The following URGCP variants were observed in gnomAD, a reference collection of about 807,000 sequenced individuals.
The protein encoded by URGCP is upregulator of cell proliferation.
A neutral mutation model predicts 24.6 loss-of-function variants in URGCP; 13 were observed. That is an observed-to-expected ratio of 0.53 (90% CI 0.34 to 0.84). The LOEUF (loss-of-function observed/expected upper bound fraction) is 0.84, where lower values mean the gene tolerates loss of function less well. Among genes scored for constraint, URGCP ranks in the 40% least tolerant of loss-of-function variants. The pLI is 0.01. For missense variants in URGCP, 899 were observed against 1,194.3 expected, an observed-to-expected ratio of 0.75 and a Z score of 3.64; for synonymous variants, 444 against 487.2, an observed-to-expected ratio of 0.91 and a Z score of 1.17.
At chr7:43,921,359 T>A (rs868355922) in intron 1 of URGCP, among the ~76,000 whole-genome samples, 7 of 152,034 alleles carry the variant, frequency 4.6e-5, no homozygotes, top group Non-Finnish European at 1.0e-4. Flanking sequence ...AGAGGTCTAA[T>A]TAACTGGCCT....
At chr7:43,887,869 A>G (rs181948438) in intron 1 of URGCP, 53 bp from the exon 2 acceptor site, 137 of 1,208,298 alleles carry the variant, frequency 1.1e-4, no homozygotes, top group Non-Finnish European at 4.3e-5. Context: ...AGCTTTATAT[A>G]TAATAGCGAA....
chr7:43,922,168 G>A (rs1380054794), intron 1 of URGCP, among the ~76,000 whole-genome samples: 1 of 152,016 alleles, frequency 6.6e-6, no homozygotes, highest in Admixed American at 6.6e-5. Flanking sequence ...AGGTTCAAGC[G>A]ATTCTGCCTC....
chr7:43,896,938 C>A (rs1218311675), intron 1 of URGCP, among the ~76,000 whole-genome samples: 1 of 152,144 alleles, frequency 6.6e-6, no homozygotes, highest in Non-Finnish European at 1.5e-5. Flanking sequence ...GATTTATCCA[C>A]ATATTTATTG....
chr7:43,883,009 G>A (rs139503952), intron 3 of URGCP, among the ~76,000 whole-genome samples: 9 of 152,202 alleles, frequency 5.9e-5, no homozygotes, highest in African/African-American at 2.2e-4. Flanking sequence ...ACAGAGGTGA[G>A]GTGCGGGGGG....
rs763184211 is a variant in URGCP, at chr7:43,878,394, CGGA to C, written c.1066_1068del (p.Ser356del). On this transcript the variant is annotated inframe_deletion, in exon 6 of 6. Coordinates refer to ENST00000453200, the MANE Select transcript of URGCP (RefSeq NM_001077663.3). The surrounding 1 kb of genome is among the most constrained non-coding windows in gnomAD (Gnocchi z 5.6). ...ATATTGTCAGTCAATATAAACACAG[CGGA>C]GGAGATTTCTGTCAAGAGCTTAAAC... 6.2e-7 allele frequency: 1 copy of C among 1,614,164 alleles called. No individual in the cohort carries two copies. The highest frequency in any genetic ancestry group is 1.1e-5 in the South Asian group (1 of 91,090).
intron 1 of URGCP, among the ~76,000 whole-genome samples, chr7:43,918,523 C>T (rs1585840276): frequency 1.3e-5 from 2 of 152,112 alleles, no homozygotes; most frequent in South Asian, 2.1e-4. Context: ...TCAAGTGATC[C>T]GCCCACTTCG....
intron 1 of URGCP, among the ~76,000 whole-genome samples, chr7:43,920,558 G>A (rs2095921148): frequency 6.6e-6 from 1 of 152,158 alleles, no homozygotes; most frequent in African/African-American, 2.4e-5. Context: ...GCGAGACTCT[G>A]TCTCAAAAAC....
intron 1 of URGCP, among the ~76,000 whole-genome samples, chr7:43,920,263 T>TA (rs1562591612): frequency 6.6e-6 from 1 of 152,176 alleles, no homozygotes; most frequent in African/African-American, 2.4e-5. Flanking sequence ...AAATTTTTTT[T>TA]AAAAAGTGGA....
At chr7:43,896,453 T>TG (rs2095878628) in intron 1 of URGCP, among the ~76,000 whole-genome samples, 1 of 100,438 alleles carries the variant, frequency 1.0e-5, no homozygotes, top group Non-Finnish European at 2.0e-5. Flanking sequence ...AGACTCTGTC[T>TG]CAAAAAAAAA....
At position 43,877,744 on chromosome 7, in the gene URGCP, G is replaced by T. The variant is rs2232100; in HGVS notation, c.1719C>A (p.Gly573=). The T allele has an allele frequency of 9.8e-4, 1,568 of 1,607,314 alleles. 7 individuals carry two copies. In the African/African-American group the frequency reaches 0.017, roughly 17 times the overall value. The change falls in exon 6 of 6, where the codon GGC becomes GGA. Residue 573 remains glycine (G), a synonymous_variant. Transcript: ENST00000453200. ...KQYFLRWMEW[G]LARVAQPRLR... is the part of the protein sequence containing the mutation. ...GTCGCGGCTGGGCCACCCGTGCCAG[G>T]CCCCACTCCATCCACCTCAGGAAGT... is the stretch of plus-strand genomic sequence containing the variant.
chr7:43,909,936 G>A (rs182672085), upstream of URGCP, among the ~76,000 whole-genome samples: 1,928 of 151,040 alleles, frequency 0.013, 16 homozygotes, highest in Non-Finnish European at 0.021. Context: ...CCAACTACTC[G>A]GGAAGCTGAG....
upstream of URGCP, chr7:43,906,877 A>C (rs2095904452): frequency 4.5e-6 from 1 of 221,186 alleles, no homozygotes; most frequent in Non-Finnish European, 8.9e-6. Context: ...GCTGTAGGAT[A>C]ACCTGCCCCA....
intron 1 of URGCP, among the ~76,000 whole-genome samples, chr7:43,899,438 T>C (rs1221049893): frequency 2.6e-5 from 4 of 151,724 alleles, no homozygotes; most frequent in African/African-American, 9.7e-5. Flanking sequence ...ATTTTAAAAG[T>C]CAATTCTCTC....
At chr7:43,900,467 AAC>A (rs756358857) in intron 1 of URGCP, among the ~76,000 whole-genome samples, 8,255 of 101,682 alleles carry the variant, frequency 0.081, 272 homozygotes, top group African/African-American at 0.15. Context: ...AAAAAACCAA[AAC>A]AAAAAAAAAA....
chr7:43,878,198 G>C lies in URGCP; in HGVS notation c.1265C>G (p.Thr422Ser), dbSNP rs1204137500. The C allele has an allele frequency of 6.2e-7, 1 of 1,614,090 alleles. No homozygotes were observed. Among genetic ancestry groups the C allele is most frequent in the African/African-American group, 1.3e-5 (1 of 74,920 alleles). Reference protein sequence around the residue: ...HSHVLVKVSSTDSDSFVKRIR... With the variant: ...HSHVLVKVSSSDSDSFVKRIR... ...CCTCTTCACGAAGCTGTCGCTGTCA[G>C]TGCTGCTGACCTTTACCAGGACATG... The change falls in exon 6 of 6, where the codon ACT becomes AGT. Residue 422 changes from threonine (T) to serine (S), a missense_variant. Thr to Ser is a moderately conservative substitution (Grantham distance 58). Coordinates refer to ENST00000453200, the MANE Select transcript of URGCP (RefSeq NM_001077663.3). This position sits in a 1 kb window ranked among gnomAD's most constrained non-coding sequence, Gnocchi z 5.6.
rs772053179 is a variant in URGCP, at chr7:43,877,459, C to T, written c.2004G>A (p.Leu668=). The T allele has an allele frequency of 7.4e-6, 12 of 1,613,602 alleles. No homozygotes were observed. The highest frequency in any genetic ancestry group is 2.7e-5 in the African/African-American group (2 of 74,948). ...CTGTGACCCAGCGGACGGGCATGCT[C>T]AGCGTGCTCCCATCGATTAGCTCCA... ...LPLELIDGST[L]SMPVRWVTGL... is the part of the protein sequence containing the mutation. Residue 668 remains leucine, a synonymous_variant, in exon 6 of 6, where the codon CTG becomes CTA. Transcript: ENST00000453200.
At position 43,877,463 on chromosome 7, in the gene URGCP, G is replaced by T; in HGVS notation, c.2000C>A (p.Thr667Lys). Residue 667 changes from threonine (T) to lysine (K), a missense_variant, in exon 6 of 6, where the codon ACG becomes AAG. Transcript: ENST00000453200. ...GACCCAGCGGACGGGCATGCTCAGC[G>T]TGCTCCCATCGATTAGCTCCAGAGG... ...GLPLELIDGS[T>K]LSMPVRWVTG... The T allele has an allele frequency of 1.2e-6, 2 of 1,613,678 alleles. No individual in the cohort carries two copies. Among genetic ancestry groups the T allele is most frequent in the Non-Finnish European group, 1.7e-6 (2 of 1,180,026 alleles).
intron 2 of URGCP, 110 bp from the exon 3 acceptor site, chr7:43,887,595 C>T (rs2132668594): frequency 1.3e-6 from 2 of 1,503,768 alleles, no homozygotes; most frequent in South Asian, 1.3e-5. Flanking sequence ...ACTATAAACC[C>T]TGGGTCACAC....
chr7:43,879,343 G>A, intron 5 of URGCP, 83 bp from the exon 6 acceptor site: 1 of 1,475,998 alleles, frequency 6.8e-7, no homozygotes, highest in Non-Finnish European at 9.0e-7. Context: ...GGAGAGCCCA[G>A]CAGGATGGGG....
Sources: allele counts gnomAD v4.1 joint callset (sites outside exome capture counted in the v4.1 genomes callset), GRCh38; gene constraint gnomAD v4.1.1; non-coding constraint Gnocchi (gnomAD v3.1); transcripts MANE v1.5; gene names NCBI Gene and HGNC (gene_info 2026-07-23, HGNC 2026-07-21).